Variants in CD34 observed in about 807,000 individuals in gnomAD.
CD34 encodes the protein CD34 molecule.
Under a neutral mutation model 40.1 loss-of-function variants are expected in CD34, and 34 were observed. The ratio of observed to expected loss-of-function variants is 0.85; its 90% CI spans 0.65 to 1.13. The LOEUF (loss-of-function observed/expected upper bound fraction) is 1.13, where lower values mean the gene tolerates loss of function less well. Among genes scored for constraint, CD34 ranks in the 50% most tolerant of loss-of-function variants. CD34 has a pLI of 0.00. For missense variants in CD34, 426 were observed against 466.9 expected (o/e 0.91, Z 0.81); for synonymous variants, 209 against 190.0 (o/e 1.10, Z -0.82).
At chr1:207,897,110 T>C (rs1264405023) in intron 4 of CD34, among the ~76,000 whole-genome samples, 1 of 152,156 alleles carries the variant, frequency 6.6e-6, no homozygotes, top group East Asian at 1.9e-4. Flanking sequence ...ACTGACATTT[T>C]AGGTGACTAG....
chr1:207,902,361 T>A (rs1187365968), intron 1 of CD34, among the ~76,000 whole-genome samples: 2 of 152,100 alleles, frequency 1.3e-5, no homozygotes, highest in Non-Finnish European at 2.9e-5. Context: ...TCCCCACATC[T>A]CTGTAGAGAA....
intron 1 of CD34, among the ~76,000 whole-genome samples, chr1:207,907,274 C>T (rs747219276): frequency 6.6e-6 from 1 of 152,158 alleles, no homozygotes; most frequent in Non-Finnish European, 1.5e-5. Context: ...CCATCCTCCA[C>T]CCACCACTGT....
At chr1:207,895,813 G>A (rs989995415) in intron 4 of CD34, among the ~76,000 whole-genome samples, 18 of 152,248 alleles carry the variant, frequency 1.2e-4, no homozygotes, top group Admixed American at 5.9e-4. Flanking sequence ...GGGAAAGATC[G>A]TCATTTTCCT....
chr1:207,900,212 C>T (rs1369411739), intron 1 of CD34, among the ~76,000 whole-genome samples: 1 of 152,086 alleles, frequency 6.6e-6, no homozygotes, highest in African/African-American at 2.4e-5. Context: ...GATTTATATG[C>T]ATACAAATGT....
At chr1:207,902,873 G>A (rs1039254666) in intron 1 of CD34, among the ~76,000 whole-genome samples, 2 of 152,166 alleles carry the variant, frequency 1.3e-5, no homozygotes, top group Non-Finnish European at 2.9e-5. Flanking sequence ...GGCCAGGCTC[G>A]CAGCTGCAGC....
At chr1:207,907,739 A>G (rs1662410984) in intron 1 of CD34, among the ~76,000 whole-genome samples, 1 of 152,148 alleles carries the variant, frequency 6.6e-6, no homozygotes, top group South Asian at 2.1e-4. Context: ...CCTTAGCACA[A>G]CGTCCAGCTC....
rs1661796057 is a variant in CD34 at position 207,881,033 on chromosome 1, G to C, written c.*6705C>G. 1 of 152,136 alleles carries C rather than the reference G, an allele frequency of 6.6e-6. No homozygotes were observed. Among genetic ancestry groups the C allele is most frequent in the Non-Finnish European group, 1.5e-5 (1 of 68,020 alleles). The allele number at this position is 152,136 out of a possible 1,614,324, so 9.4% of individuals were successfully genotyped here. ...CAACAAAACATTTTATGAGGTTCCAGTTTTTAAATTTGAGTTTATTAAATT... is the reference window on the plus strand; with the variant it reads ...CAACAAAACATTTTATGAGGTTCCACTTTTTAAATTTGAGTTTATTAAATT... On this transcript the variant is annotated 3_prime_UTR_variant, in exon 8 of 8. Coordinates refer to ENST00000310833, the MANE Select transcript of CD34 (RefSeq NM_001025109.2).
intron 4 of CD34, among the ~76,000 whole-genome samples, chr1:207,895,373 T>C (rs921365132): frequency 6.6e-6 from 1 of 152,164 alleles, no homozygotes; most frequent in African/African-American, 2.4e-5. Flanking sequence ...GGATCAACAC[T>C]GGTGGAGAGA....
rs948591775 is a variant in CD34 at position 207,910,958 on chromosome 1, C to CCCGCGGCGAAGCCAAGCGG, written c.79+25_79+43dup. On this transcript the variant is annotated intron_variant, in intron 1 of 7. Coordinates refer to ENST00000310833, the MANE Select transcript of CD34 (RefSeq NM_001025109.2). Reference sequence around the variant, plus strand: ...AGCCTCCCAGAAAGCCTCCACCCTCCCCGCGGCGAAGCCAAGCGGCCGCGG... The same window carrying CCCGCGGCGAAGCCAAGCGG: ...AGCCTCCCAGAAAGCCTCCACCCTCCCCGCGGCGAAGCCAAGCGGCCGCGGCGAAGCCAAGCGGCCGCGG... The CCCGCGGCGAAGCCAAGCGG allele has an allele frequency of 4.6e-6, 7 of 1,534,586 alleles. No individual in the cohort carries two copies. The Admixed American group carries it at 1.2e-4, about 26-fold the overall frequency.
intron 1 of CD34, among the ~76,000 whole-genome samples, chr1:207,901,265 AG>A (rs1662266749): frequency 6.6e-6 from 1 of 152,210 alleles, no homozygotes; most frequent in South Asian, 2.1e-4. Flanking sequence ...AGGACCAATC[AG>A]GATGTACCCT....
At position 207,890,165 on chromosome 1, in the gene CD34, C is replaced by T. The variant is rs1662002871; in HGVS notation, c.598-544G>A. 2.9e-5 allele frequency: 30 copies of T among 1,034,056 alleles called. No individual in the cohort carries two copies. The South Asian group carries it at 1.1e-3, about 39-fold the overall frequency. The allele number at this position is 1,034,056 out of a possible 1,614,324, so 64.1% of individuals were successfully genotyped here. ...TGAAATGGCATTTTTGTCTCGTCTT[C>T]CATCTCTGTTTTCCATTAAAAGCAT... On this transcript the variant is annotated intron_variant, in intron 4 of 7. Transcript: ENST00000310833.
At chr1:207,905,888 A>C (rs1312384974) in intron 1 of CD34, among the ~76,000 whole-genome samples, 1 of 152,256 alleles carries the variant, frequency 6.6e-6, no homozygotes, top group Non-Finnish European at 1.5e-5. Flanking sequence ...TTGCTGAGAC[A>C]TCTCATTATG....
intron 1 of CD34, among the ~76,000 whole-genome samples, chr1:207,910,333 C>T (rs761871185): frequency 6.6e-6 from 1 of 152,188 alleles, no homozygotes; most frequent in Non-Finnish European, 1.5e-5. Context: ...CAAATTCTGT[C>T]TACTTCTACC....
chr1:207,896,211 A>G (rs1228941768), intron 4 of CD34, among the ~76,000 whole-genome samples: 1 of 152,052 alleles, frequency 6.6e-6, no homozygotes. Context: ...CTTGTAAGAA[A>G]ATGTTTTCTT....
chr1:207,889,352 C>A, intron 5 of CD34, 113 bp downstream of exon 5: 1 of 1,537,804 alleles, frequency 6.5e-7, no homozygotes, highest in Non-Finnish European at 8.8e-7. Context: ...CAGCCAAGTC[C>A]TTCTCCCCAG....
Position 207,881,429 on chromosome 1 carries a change from G to A in CD34, c.*6309C>T, listed in dbSNP as rs1661801194. The A allele has an allele frequency of 6.6e-6, 1 of 152,252 alleles. No homozygotes were observed. 9.4% of individuals were successfully genotyped at this position (152,252 alleles called of 1,614,324 possible). A position where few individuals can be genotyped will look rare whatever the true frequency, so the allele number is the denominator to read the frequency against. On this transcript the variant is annotated 3_prime_UTR_variant, in exon 8 of 8. Transcript: ENST00000310833. ...AATCCCAGCGCTTTGGGAGGCTGAGGTGGGTGGATCATGAGGTCAGGAGAT... is the reference window on the plus strand; with the variant it reads ...AATCCCAGCGCTTTGGGAGGCTGAGATGGGTGGATCATGAGGTCAGGAGAT...
At chr1:207,895,995 CTGT>C (rs2102299822) in intron 4 of CD34, among the ~76,000 whole-genome samples, 1 of 152,288 alleles carries the variant, frequency 6.6e-6, no homozygotes, top group East Asian at 1.9e-4. Context: ...TTCACTATTT[CTGT>C]TGTTTTTAGA....
At chr1:207,894,152 G>A (rs1343030801) in intron 4 of CD34, among the ~76,000 whole-genome samples, 1 of 152,186 alleles carries the variant, frequency 6.6e-6, no homozygotes, top group Non-Finnish European at 1.5e-5. Context: ...AAAAGCCCAA[G>A]TGTCCATCAA....
At chr1:207,892,140 A>G (rs1489167999) in intron 4 of CD34, among the ~76,000 whole-genome samples, 1 of 141,182 alleles carries the variant, frequency 7.1e-6, no homozygotes, top group African/African-American at 2.5e-5. Context: ...TACCTCCTCA[A>G]TGAAGCTGGT....
Sources: gnomAD v4.1 joint callset for allele counts (sites outside exome capture counted in the v4.1 genomes callset) on GRCh38, gnomAD v4.1.1 for gene constraint, MANE v1.5 for transcripts, NCBI Gene and HGNC (gene_info 2026-07-23, HGNC 2026-07-21) for gene names.